DDR2: variants seen among roughly 807,000 people sequenced by gnomAD.
DDR2 encodes the protein discoidin domain receptor tyrosine kinase 2.
Under a neutral mutation model 94.9 loss-of-function variants are expected in DDR2, and 27 were observed. That is an observed-to-expected ratio of 0.28 (90% CI 0.21 to 0.39). DDR2 has a LOEUF of 0.39. DDR2 is among the 10% of genes least tolerant of loss of function. DDR2 has a pLI of 1.00. For synonymous variants in DDR2, 382 were observed against 377.2 expected, an observed-to-expected ratio of 1.01 and a Z score of -0.15; for missense variants, 783 against 1,076.0, an observed-to-expected ratio of 0.73 and a Z score of 3.81.
At chr1:162,635,963 G>C (rs1656795752) in intron 1 of DDR2, among the ~76,000 whole-genome samples, 1 of 152,182 alleles carries the variant, frequency 6.6e-6, no homozygotes. Context: ...ACATAGTTTA[G>C]TAAAGAAGCT....
chr1:162,722,238 G>A (rs1661457884), intron 3 of DDR2, among the ~76,000 whole-genome samples: 1 of 152,180 alleles, frequency 6.6e-6, no homozygotes, highest in African/African-American at 2.4e-5. Context: ...CTGAGTTTTG[G>A]CAAAGCAGGC....
At chr1:162,771,270 C>A (rs1664253760) in intron 12 of DDR2, among the ~76,000 whole-genome samples, 1 of 152,152 alleles carries the variant, frequency 6.6e-6, no homozygotes, top group Admixed American at 6.5e-5. Flanking sequence ...GGACCCGAGT[C>A]AGTAGAAAAG....
chr1:162,703,723 G>A (rs1197259915), intron 2 of DDR2, among the ~76,000 whole-genome samples: 1 of 152,150 alleles, frequency 6.6e-6, no homozygotes, highest in East Asian at 1.9e-4. Context: ...CCTCACAAAA[G>A]GAGGTGCTGA....
At chr1:162,710,777 C>CAT (rs1479396587) in intron 2 of DDR2, among the ~76,000 whole-genome samples, 1 of 151,666 alleles carries the variant, frequency 6.6e-6, no homozygotes, top group Non-Finnish European at 1.5e-5. Flanking sequence ...CACACACACA[C>CAT]ACACACACAC....
chr1:162,688,047 C>A (rs926681783), intron 2 of DDR2, among the ~76,000 whole-genome samples: 1 of 152,112 alleles, frequency 6.6e-6, no homozygotes, highest in Non-Finnish European at 1.5e-5. Context: ...GAGATTGGTT[C>A]GGCAACTTCA....
At chr1:162,744,633 A>G (rs1662763731) in intron 3 of DDR2, among the ~76,000 whole-genome samples, 1 of 152,150 alleles carries the variant, frequency 6.6e-6, no homozygotes. Context: ...CATCATCTAC[A>G]TTAGGTATTT....
At chr1:162,698,684 G>A (rs1660299039) in intron 2 of DDR2, among the ~76,000 whole-genome samples, 1 of 152,172 alleles carries the variant, frequency 6.6e-6, no homozygotes, top group African/African-American at 2.4e-5. Flanking sequence ...CTGGGAGAAG[G>A]TTGCATCAGG....
intron 2 of DDR2, among the ~76,000 whole-genome samples, chr1:162,694,714 A>T (rs1320509444): frequency 6.6e-6 from 1 of 152,216 alleles, no homozygotes; most frequent in Non-Finnish European, 1.5e-5. Flanking sequence ...AAAAGAATGC[A>T]TGTTGAGCTA....
intron 3 of DDR2, among the ~76,000 whole-genome samples, chr1:162,728,092 T>C (rs1054896022): frequency 2.2e-5 from 3 of 138,072 alleles, no homozygotes; most frequent in African/African-American, 8.0e-5. Flanking sequence ...ATAGATATAA[T>C]CACACTATAT....
At chr1:162,670,602 C>G (rs1249237056) in intron 2 of DDR2, among the ~76,000 whole-genome samples, 1 of 152,182 alleles carries the variant, frequency 6.6e-6, no homozygotes, top group Non-Finnish European at 1.5e-5. Flanking sequence ...AGAGCCATGA[C>G]AACAATGATA....
At chr1:162,677,940 T>C (rs1383818350) in intron 2 of DDR2, among the ~76,000 whole-genome samples, 2 of 152,224 alleles carry the variant, frequency 1.3e-5, no homozygotes, top group African/African-American at 2.4e-5. Flanking sequence ...CAAAGGTTTT[T>C]TTATTTTTTA....
In DDR2 at chr1:162,753,209, T is replaced by C. The variant is rs2102128163; in HGVS notation, c.185+12T>C. 6.2e-7 allele frequency: 1 copy of C among 1,611,166 alleles called. No individual in the cohort carries two copies. ...GCCAAATATGGAAGGTGAGGATGGTTACATCAAGAAAGCCCATGTTCTGGG... is the reference window on the plus strand; with the variant it reads ...GCCAAATATGGAAGGTGAGGATGGTCACATCAAGAAAGCCCATGTTCTGGG... On this transcript the variant is annotated intron_variant, in intron 4 of 17. Transcript: ENST00000367921.
intron 3 of DDR2, among the ~76,000 whole-genome samples, chr1:162,731,517 C>T (rs1046059677): frequency 3.9e-5 from 6 of 152,144 alleles, no homozygotes; most frequent in African/African-American, 1.4e-4. Context: ...TATTAGTGCT[C>T]TAAGTGCTTG....
intron 3 of DDR2, among the ~76,000 whole-genome samples, chr1:162,735,369 C>T (rs1662249944): frequency 6.6e-6 from 1 of 152,196 alleles, no homozygotes; most frequent in Non-Finnish European, 1.5e-5. Context: ...TCCTCCCCTA[C>T]TTCCTCTAGT....
chr1:162,671,189 G>C, intron 2 of DDR2, among the ~76,000 whole-genome samples: 1 of 152,074 alleles, frequency 6.6e-6, no homozygotes, highest in East Asian at 1.9e-4. Context: ...AGAGGAGAAG[G>C]TCGTGGGGCA....
chr1:162,672,236 A>G (rs1416902740), intron 2 of DDR2, among the ~76,000 whole-genome samples: 1 of 152,144 alleles, frequency 6.6e-6, no homozygotes, highest in African/African-American at 2.4e-5. Flanking sequence ...CTATAAAACA[A>G]TTGTGTCTGT....
intron 2 of DDR2, among the ~76,000 whole-genome samples, chr1:162,706,852 A>G (rs1369516023): frequency 6.6e-6 from 1 of 152,190 alleles, no homozygotes; most frequent in Non-Finnish European, 1.5e-5. Flanking sequence ...CAGAGGCTGC[A>G]AGTTAAAGTA....
intron 1 of DDR2, among the ~76,000 whole-genome samples, chr1:162,650,274 A>G (rs776653264): frequency 7.0e-5 from 8 of 114,052 alleles, no homozygotes; most frequent in Non-Finnish European, 1.3e-4. Flanking sequence ...TTACAAACCA[A>G]TTCCTCCTCC....
At chr1:162,745,721 C>T (rs942778454) in intron 3 of DDR2, among the ~76,000 whole-genome samples, 3 of 151,964 alleles carry the variant, frequency 2.0e-5, no homozygotes, top group Non-Finnish European at 4.4e-5. Flanking sequence ...AAGTAACTTT[C>T]TAAAATATTT....
Sources: gnomAD v4.1 joint callset for allele counts (sites outside exome capture counted in the v4.1 genomes callset) on GRCh38, gnomAD v4.1.1 for gene constraint, MANE v1.5 for transcripts, NCBI Gene and HGNC (gene_info 2026-07-23, HGNC 2026-07-21) for gene names.